Variants in MAGI1 observed in about 807,000 individuals in gnomAD.
MAGI1 encodes membrane-associated guanylate kinase, WW and PDZ domain-containing protein 1.
MAGI1 carries 58 observed loss-of-function variants against 139.9 expected under a neutral mutation model. The ratio of observed to expected loss-of-function variants is 0.41; its 90% CI spans 0.34 to 0.52. MAGI1 has a LOEUF of 0.52. Ranked by LOEUF, MAGI1 falls within the 20% of genes least tolerant of loss-of-function variation. The pLI is 0.12. For missense variants in MAGI1, 1,874 were observed against 1,901.6 expected (o/e 0.99, Z 0.27); for synonymous variants, 812 against 737.9 (o/e 1.10, Z -1.63).
chr3:65,733,274 A>G lies in MAGI1; in HGVS notation c.314-111186T>C, dbSNP rs990297912. Reference sequence around the variant, plus strand: ...GGGATTTCACCATGTTAGCCAGGCTAGTCTCGAACTCCTGACCTCAGGTGA... The same window carrying G: ...GGGATTTCACCATGTTAGCCAGGCTGGTCTCGAACTCCTGACCTCAGGTGA... On this transcript the variant is annotated intron_variant, in intron 1 of 22. Transcript: ENST00000402939. Among the ~76,000 whole-genome samples, 7 of 152,054 alleles carry G rather than the reference A, an allele frequency of 4.6e-5. No individual in the cohort carries two copies. In the East Asian group the frequency reaches 1.4e-3, roughly 29 times the overall value.
intron 3 of MAGI1, among the ~76,000 whole-genome samples, chr3:65,486,970 C>G (rs1226509209): frequency 6.6e-6 from 1 of 152,212 alleles, no homozygotes; most frequent in East Asian, 1.9e-4. Flanking sequence ...CTACCTCGTT[C>G]TCACAATAAC....
At chr3:65,536,559 C>T (rs2078966381) in intron 2 of MAGI1, among the ~76,000 whole-genome samples, 1 of 152,096 alleles carries the variant, frequency 6.6e-6, no homozygotes, top group Non-Finnish European at 1.5e-5. Context: ...TAGAAATGCA[C>T]TGTTTCAGTC....
intron 2 of MAGI1, among the ~76,000 whole-genome samples, chr3:65,571,681 G>A (rs2080966372): frequency 1.3e-5 from 2 of 151,628 alleles, no homozygotes; most frequent in Non-Finnish European, 2.9e-5. Context: ...ATTTGGTAGG[G>A]TTTTTCTATA....
chr3:65,390,044 T>A (rs991552987), intron 14 of MAGI1, among the ~76,000 whole-genome samples: 1 of 151,820 alleles, frequency 6.6e-6, no homozygotes, highest in African/African-American at 2.4e-5. Context: ...CACAGAGGAG[T>A]CGACTTTCAG....
At chr3:65,812,445 TTCTCTCTCTC>T (rs530333757) in intron 1 of MAGI1, among the ~76,000 whole-genome samples, 4 of 130,590 alleles carry the variant, frequency 3.1e-5, no homozygotes, top group Non-Finnish European at 5.0e-5. Flanking sequence ...CTCTCTCTCT[TTCTCTCTCTC>T]TCTCTCTCTC....
At chr3:65,994,455 G>A (rs993205642) in intron 1 of MAGI1, among the ~76,000 whole-genome samples, 3 of 152,118 alleles carry the variant, frequency 2.0e-5, no homozygotes, top group Admixed American at 6.5e-5. Flanking sequence ...GAGGTAGACA[G>A]GCAACCCAGT....
At chr3:65,983,392 C>G (rs1026044909) in intron 1 of MAGI1, among the ~76,000 whole-genome samples, 2 of 152,070 alleles carry the variant, frequency 1.3e-5, no homozygotes, top group East Asian at 3.9e-4. Flanking sequence ...TGAGACTCTC[C>G]GAGGCCTCTC....
chr3:65,688,151 C>A, intron 1 of MAGI1: 1 of 759,120 alleles, frequency 1.3e-6, no homozygotes. Context: ...TGCCAGGGTC[C>A]ATGGGTATCA....
intron 1 of MAGI1, among the ~76,000 whole-genome samples, chr3:65,693,240 T>C (rs1576761428): frequency 6.6e-6 from 1 of 152,210 alleles, no homozygotes; most frequent in African/African-American, 2.4e-5. Context: ...TCACTGCGCC[T>C]GGCCACATAA....
intron 10 of MAGI1, among the ~76,000 whole-genome samples, chr3:65,434,575 G>A (rs1947698739): frequency 6.6e-6 from 1 of 152,094 alleles, no homozygotes. Context: ...GCTTCTTCCT[G>A]ACAGTCTATC....
intron 1 of MAGI1, among the ~76,000 whole-genome samples, chr3:66,012,063 C>T (rs1289580727): frequency 1.3e-5 from 2 of 151,996 alleles, no homozygotes; most frequent in African/African-American, 2.4e-5. Context: ...TATCGATTTG[C>T]TTTTGCTTGT....
chr3:65,941,785 G>A lies in MAGI1; in HGVS notation c.313+96211C>T, dbSNP rs557050658. On this transcript the variant is annotated intron_variant, in intron 1 of 22. Transcript: ENST00000402939. ...ATTAAAGGAAAAGTATTAACTTTCT[G>A]TTGTTGTTGTTGCTGCTGTTGTTTG... Among the ~76,000 whole-genome samples the A allele has an allele frequency of 7.9e-5, 12 of 152,264 alleles. No individual in the cohort carries two copies. The East Asian group carries it at 2.3e-3, about 29-fold the overall frequency.
chr3:65,664,522 G>A (rs2086390790), intron 1 of MAGI1, among the ~76,000 whole-genome samples: 1 of 152,176 alleles, frequency 6.6e-6, no homozygotes, highest in African/African-American at 2.4e-5. Context: ...TGGCAAAGGG[G>A]AGGAATTTGA....
chr3:65,433,270 C>A (rs1947596141), intron 10 of MAGI1, among the ~76,000 whole-genome samples: 1 of 152,052 alleles, frequency 6.6e-6, no homozygotes, highest in South Asian at 2.1e-4. Context: ...GAGCTTTTCA[C>A]TCTTATTATA....
At chr3:65,405,022 A>AT (rs1364651284) in intron 12 of MAGI1, among the ~76,000 whole-genome samples, 1 of 152,160 alleles carries the variant, frequency 6.6e-6, no homozygotes, top group East Asian at 1.9e-4. Flanking sequence ...CAGGGTAAGG[A>AT]AGGGGAACTC....
chr3:65,549,277 C>G, intron 2 of MAGI1: 8 of 367,086 alleles, frequency 2.2e-5, no homozygotes, highest in Non-Finnish European at 2.3e-5. Context: ...TCGCCTTCTC[C>G]TTCCTTCCCT....
At chr3:65,559,827 G>C (rs148096904) in intron 2 of MAGI1, among the ~76,000 whole-genome samples, 164 of 152,292 alleles carry the variant, frequency 1.1e-3, no homozygotes, top group African/African-American at 3.6e-3. Flanking sequence ...TTGAGCTGAA[G>C]ACTTCGACAC....
intron 2 of MAGI1, among the ~76,000 whole-genome samples, chr3:65,509,655 G>T (rs553510915): frequency 6.7e-4 from 102 of 152,286 alleles, no homozygotes; most frequent in Admixed American, 2.9e-3. Context: ...AGGGTCCTAC[G>T]CCCACGGAAT....
At chr3:65,626,838 C>T (rs2083996682) in intron 1 of MAGI1, among the ~76,000 whole-genome samples, 1 of 152,184 alleles carries the variant, frequency 6.6e-6, no homozygotes, top group South Asian at 2.1e-4. Context: ...ATTAAAAATA[C>T]TGTACATTTT....
Sources: allele counts gnomAD v4.1 joint callset (sites outside exome capture counted in the v4.1 genomes callset), GRCh38; gene constraint gnomAD v4.1.1; transcripts MANE v1.5; gene names NCBI Gene and HGNC (gene_info 2026-07-23, HGNC 2026-07-21).